Variants in INPP4B observed in about 807,000 individuals in gnomAD.
INPP4B encodes inositol polyphosphate 4-phosphatase type II.
A neutral mutation model predicts 122.5 loss-of-function variants in INPP4B; 55 were observed. That is an observed-to-expected ratio of 0.45 (90% CI 0.36 to 0.56). The LOEUF is 0.56. Ranked by LOEUF, INPP4B falls within the 20% of genes least tolerant of loss-of-function variation. The pLI is 0.00. For synonymous variants in INPP4B, 403 were observed against 388.7 expected, an observed-to-expected ratio of 1.04 and a Z score of -0.43; for missense variants, 1,000 against 1,097.7, an observed-to-expected ratio of 0.91 and a Z score of 1.26.
intron 2 of INPP4B, among the ~76,000 whole-genome samples, chr4:142,632,309 C>T (rs1251614371): frequency 2.0e-5 from 3 of 152,058 alleles, no homozygotes; most frequent in African/African-American, 7.2e-5. Context: ...AACTGGAGGT[C>T]ATTATGCTAA....
intron 1 of INPP4B, among the ~76,000 whole-genome samples, chr4:142,831,383 T>C (rs1483065741): frequency 6.6e-6 from 1 of 152,140 alleles, no homozygotes; most frequent in Non-Finnish European, 1.5e-5. Flanking sequence ...AGATAGGATA[T>C]AAGGGGAAAA....
intron 2 of INPP4B, among the ~76,000 whole-genome samples, chr4:142,475,618 A>G (rs1819667991): frequency 1.3e-5 from 2 of 152,188 alleles, no homozygotes; most frequent in African/African-American, 4.8e-5. Flanking sequence ...TACAGAAACT[A>G]GAAGGTAAAA....
intron 9 of INPP4B, among the ~76,000 whole-genome samples, chr4:142,293,492 C>T (rs1344707901): frequency 6.6e-6 from 1 of 152,040 alleles, no homozygotes; most frequent in Non-Finnish European, 1.5e-5. Context: ...TTGCCTATTA[C>T]TTCCGTCTTA....
At chr4:142,545,759 G>GTATATGTGTGTATATATATACACATA (rs1829532336) in intron 2 of INPP4B, among the ~76,000 whole-genome samples, 3 of 70,844 alleles carry the variant, frequency 4.2e-5, no homozygotes, top group African/African-American at 1.4e-4. Flanking sequence ...ATATACACAT[G>GTATATGTGTGTATATATATACACATA]TATATGTGTG....
chr4:142,575,786 T>C (rs1733698007), intron 2 of INPP4B, among the ~76,000 whole-genome samples: 1 of 152,034 alleles, frequency 6.6e-6, no homozygotes, highest in South Asian at 2.1e-4. Context: ...AGTACAAATA[T>C]GACATAAACA....
intron 7 of INPP4B, among the ~76,000 whole-genome samples, chr4:142,335,260 C>G (rs1776207476): frequency 6.6e-6 from 1 of 151,962 alleles, no homozygotes; most frequent in Non-Finnish European, 1.5e-5. Context: ...TTAAAACTTG[C>G]AATAACAACA....
Position 142,402,945 on chromosome 4 carries a change from T to C in INPP4B, c.365A>G (p.His122Arg), listed in dbSNP as rs772494278. ...LTVYDVKDKS[H>R]DTVRTSVLPE... ...AGAAGTACCAGTACTTACGGTGTCA[T>C]GAGACTTATCCTTGACATCATAGAC... Residue 122 changes from histidine to arginine, a missense_variant, in exon 7 of 26, where the codon CAT becomes CGT. By Grantham distance (29) the His-to-Arg change is conservative. Coordinates refer to ENST00000262992, the MANE Select transcript of INPP4B (RefSeq NM_001101669.3). 3.4e-6 allele frequency: 5 copies of C among 1,479,698 alleles called. No individual in the cohort carries two copies. The highest frequency in any genetic ancestry group is 4.7e-6 in the Non-Finnish European group (5 of 1,056,972). 91.7% of individuals were successfully genotyped at this position (1,479,698 alleles called of 1,614,324 possible). A position where few individuals can be genotyped will look rare whatever the true frequency, so the allele number is the denominator to read the frequency against.
At chr4:142,590,197 A>G (rs1248143595) in intron 2 of INPP4B, among the ~76,000 whole-genome samples, 2 of 152,210 alleles carry the variant, frequency 1.3e-5, no homozygotes, top group African/African-American at 4.8e-5. Flanking sequence ...TGGTGAATAC[A>G]TGACACTATG....
In INPP4B at chr4:142,527,416, C is replaced by T. The variant is rs187469407; in HGVS notation, c.-190-64690G>A. On this transcript the variant is annotated intron_variant, in intron 2 of 25. Transcript: ENST00000262992. ...ACAATATATTTCTTGATAGTTAATA[C>T]GATGCAGAAAGCATTAGCAGCAAGT... 1.4e-3 allele frequency among the ~76,000 whole-genome samples: 207 copies of T among 151,890 alleles called. 2 individuals are homozygous for T. The highest frequency in any genetic ancestry group is 4.6e-3 in the African/African-American group (189 of 41,448).
At chr4:142,439,690 T>G (rs1029318983) in intron 3 of INPP4B, among the ~76,000 whole-genome samples, 1 of 152,182 alleles carries the variant, frequency 6.6e-6, no homozygotes, top group Admixed American at 6.5e-5. Context: ...ATGTTGGTAT[T>G]CCCTATCAGC....
chr4:142,201,985 G>T (rs1372868112), intron 14 of INPP4B, among the ~76,000 whole-genome samples: 1 of 151,946 alleles, frequency 6.6e-6, no homozygotes, highest in African/African-American at 2.4e-5. Flanking sequence ...ATCTAAGTGG[G>T]AATATCTTAT....
chr4:142,526,093 C>T (rs987923792), intron 2 of INPP4B, among the ~76,000 whole-genome samples: 3 of 151,866 alleles, frequency 2.0e-5, no homozygotes, highest in Non-Finnish European at 4.4e-5. Context: ...GTAATAATAG[C>T]CTAGAACCCA....
At chr4:142,819,016 C>T (rs946480498) in intron 1 of INPP4B, among the ~76,000 whole-genome samples, 3 of 152,032 alleles carry the variant, frequency 2.0e-5, no homozygotes, top group East Asian at 1.9e-4. Flanking sequence ...AGGCTCAAGA[C>T]GAATCTTTGT....
At chr4:142,037,745 G>A (rs907607264) in intron 25 of INPP4B, among the ~76,000 whole-genome samples, 3 of 152,148 alleles carry the variant, frequency 2.0e-5, no homozygotes, top group Non-Finnish European at 2.9e-5. Flanking sequence ...AGAGTACCAC[G>A]TTTCAGGCCC....
rs1489694776 is a variant in INPP4B, at chr4:142,382,623, AC to A, written c.372+20314del. On this transcript the variant is annotated intron_variant, in intron 7 of 25. Transcript: ENST00000262992. ...ATATATATTTATATATTATATATAT[AC>A]TATAAATATATACATTTATATATTA... Among the ~76,000 whole-genome samples, 136 of 115,764 alleles carry A rather than the reference AC, an allele frequency of 1.2e-3. 5 individuals are homozygous for A. Among genetic ancestry groups the A allele is most frequent in the African/African-American group, 4.6e-3 (121 of 26,592 alleles). The allele number at this position is 115,764 out of a possible 152,430, so 75.9% of individuals were successfully genotyped here. A position where few individuals can be genotyped will look rare whatever the true frequency, so the allele number is the denominator to read the frequency against.
intron 2 of INPP4B, among the ~76,000 whole-genome samples, chr4:142,547,595 C>A (rs986281282): frequency 2.0e-5 from 3 of 152,090 alleles, no homozygotes; most frequent in Non-Finnish European, 2.9e-5. Flanking sequence ...AGAGTTTATG[C>A]CCCATTTTAT....
At chr4:142,375,680 C>A (rs538693902) in intron 7 of INPP4B, among the ~76,000 whole-genome samples, 2 of 151,942 alleles carry the variant, frequency 1.3e-5, no homozygotes, top group Non-Finnish European at 2.9e-5. Flanking sequence ...CTCCTTTCCC[C>A]TTTGCTTCCT....
intron 1 of INPP4B, among the ~76,000 whole-genome samples, chr4:142,813,578 G>A (rs897252590): frequency 5.3e-5 from 8 of 152,042 alleles, no homozygotes; most frequent in Admixed American, 2.6e-4. Flanking sequence ...CTTTGTCACT[G>A]GCAATAAAGC....
intron 2 of INPP4B, among the ~76,000 whole-genome samples, chr4:142,630,233 A>G (rs1747637338): frequency 6.6e-6 from 1 of 152,126 alleles, no homozygotes; most frequent in African/African-American, 2.4e-5. Flanking sequence ...TAATCTAGTT[A>G]TTCCTGTTAT....
Sources: gnomAD v4.1 joint callset for allele counts (sites outside exome capture counted in the v4.1 genomes callset) on GRCh38, gnomAD v4.1.1 for gene constraint, MANE v1.5 for transcripts, NCBI Gene and HGNC (gene_info 2026-07-23, HGNC 2026-07-21) for gene names.